Variants in CMSS1 observed in about 807,000 individuals in gnomAD.
CMSS1 encodes the protein protein CMSS1.
CMSS1 carries 33 observed loss-of-function variants against 43.5 expected under a neutral mutation model. The observed-to-expected ratio is 0.76, with a 90% CI of 0.57 to 1.01. The LOEUF (loss-of-function observed/expected upper bound fraction) is 1.01. Among genes scored for constraint, CMSS1 ranks in the 50% least tolerant of loss-of-function variants. The pLI is 0.00. For synonymous variants in CMSS1, 115 were observed against 117.2 expected (o/e 0.98, Z 0.12); for missense variants, 313 against 326.4 (o/e 0.96, Z 0.32).
chr3:100,171,921 C>G (rs755903259), intron 7 of CMSS1, 22 bp downstream of exon 7: 18 of 1,583,608 alleles, frequency 1.1e-5, no homozygotes, highest in Middle Eastern at 3.3e-4. Flanking sequence ...CCTGTGTGAT[C>G]CCTAAAGGCC....
intron 1 of CMSS1, among the ~76,000 whole-genome samples, chr3:99,935,520 G>T (rs922960173): frequency 3.9e-5 from 6 of 152,178 alleles, no homozygotes; most frequent in Admixed American, 3.9e-4. Flanking sequence ...GGTCTGTGTT[G>T]TTGCTTATAA....
At chr3:100,143,184 G>T (rs2066818733) in intron 1 of CMSS1, among the ~76,000 whole-genome samples, 1 of 152,174 alleles carries the variant, frequency 6.6e-6, no homozygotes, top group South Asian at 2.1e-4. Context: ...GATTTCTTGG[G>T]ATTTTTTATG....
At chr3:99,876,035 GC>G (rs1705495755) in intron 1 of CMSS1, 19 of 985,208 alleles carry the variant, frequency 1.9e-5, no homozygotes, top group Non-Finnish European at 2.2e-5. Context: ...TGACAGCAGT[GC>G]CCCTTGGTGG....
At chr3:99,897,097 G>T (rs567750700) in intron 1 of CMSS1, among the ~76,000 whole-genome samples, 1 of 152,066 alleles carries the variant, frequency 6.6e-6, no homozygotes, top group Non-Finnish European at 1.5e-5. Context: ...GGTGGCTCAC[G>T]CCTGTAATCC....
chr3:100,072,052 A>G (rs1439009656), intron 1 of CMSS1, among the ~76,000 whole-genome samples: 1 of 152,234 alleles, frequency 6.6e-6, no homozygotes, highest in Non-Finnish European at 1.5e-5. Flanking sequence ...TAAAACTGTC[A>G]TCTTTGATGG....
chr3:99,859,160 G>A (rs1385886531), intron 1 of CMSS1, among the ~76,000 whole-genome samples: 1 of 152,230 alleles, frequency 6.6e-6, no homozygotes, highest in Non-Finnish European at 1.5e-5. Context: ...TTATAAATGG[G>A]TCCATCCATA....
chr3:99,943,251 T>C (rs1418928515), intron 1 of CMSS1, among the ~76,000 whole-genome samples: 1 of 152,194 alleles, frequency 6.6e-6, no homozygotes, highest in Non-Finnish European at 1.5e-5. Context: ...GACTGGCTTT[T>C]GTGTGTGGCC....
At chr3:100,066,127 C>T (rs975600104) in intron 1 of CMSS1, among the ~76,000 whole-genome samples, 5 of 152,146 alleles carry the variant, frequency 3.3e-5, no homozygotes, top group African/African-American at 9.7e-5. Context: ...TTTCCCTTGC[C>T]CACCTGTCAG....
At chr3:100,112,678 C>T (rs2066511081) in intron 1 of CMSS1, among the ~76,000 whole-genome samples, 1 of 152,118 alleles carries the variant, frequency 6.6e-6, no homozygotes, top group Non-Finnish European at 1.5e-5. Flanking sequence ...GTATAAGAAT[C>T]CAAACCCCAC....
chr3:99,932,079 A>G (rs1035396160), intron 1 of CMSS1, among the ~76,000 whole-genome samples: 1 of 152,194 alleles, frequency 6.6e-6, no homozygotes, highest in East Asian at 1.9e-4. Flanking sequence ...TACCACACAA[A>G]TTTATAAAAT....
intron 1 of CMSS1, among the ~76,000 whole-genome samples, chr3:99,843,624 AT>A (rs1943230220): frequency 6.6e-6 from 1 of 152,200 alleles, no homozygotes; most frequent in Non-Finnish European, 1.5e-5. Context: ...AACCTACTGA[AT>A]ATCATGGCTT....
chr3:99,846,094 A>T (rs1446806822), intron 1 of CMSS1, among the ~76,000 whole-genome samples: 1 of 152,230 alleles, frequency 6.6e-6, no homozygotes, highest in African/African-American at 2.4e-5. Context: ...TGAATAGCCC[A>T]AATTTGGCTC....
chr3:99,859,371 AG>A (rs1199781779), intron 1 of CMSS1, among the ~76,000 whole-genome samples: 1 of 152,234 alleles, frequency 6.6e-6, no homozygotes, highest in Non-Finnish European at 1.5e-5. Context: ...ATGATACCAA[AG>A]CTTGTTTGGT....
intron 1 of CMSS1, among the ~76,000 whole-genome samples, chr3:100,054,654 A>G (rs996339335): frequency 6.6e-6 from 1 of 152,076 alleles, no homozygotes; most frequent in Non-Finnish European, 1.5e-5. Context: ...CAAAGAAACC[A>G]TGCTGGACAA....
At chr3:99,942,861 T>C (rs1475697633) in intron 1 of CMSS1, among the ~76,000 whole-genome samples, 1 of 151,616 alleles carries the variant, frequency 6.6e-6, no homozygotes, top group Non-Finnish European at 1.5e-5. Flanking sequence ...GAGGTGATTT[T>C]CTTAAAAGAA....
chr3:100,162,923 C>T (rs1050229426), intron 4 of CMSS1, among the ~76,000 whole-genome samples: 3 of 152,012 alleles, frequency 2.0e-5, no homozygotes, highest in Non-Finnish European at 2.9e-5. Flanking sequence ...TACAGTGAGC[C>T]AAGATGACGC....
intron 1 of CMSS1, among the ~76,000 whole-genome samples, chr3:99,841,088 G>T (rs1943109939): frequency 6.6e-6 from 1 of 152,216 alleles, no homozygotes; most frequent in Non-Finnish European, 1.5e-5. Context: ...AATGTGTCAT[G>T]ATCAGTGGAT....
chr3:100,123,249 C>T (rs2066636218), intron 1 of CMSS1, among the ~76,000 whole-genome samples: 1 of 152,110 alleles, frequency 6.6e-6, no homozygotes, highest in Non-Finnish European at 1.5e-5. Context: ...TGTGAAGGAG[C>T]TAGAGGAGGA....
chr3:99,990,701 G>C (rs1709486004), intron 1 of CMSS1, among the ~76,000 whole-genome samples: 1 of 151,752 alleles, frequency 6.6e-6, no homozygotes, highest in African/African-American at 2.4e-5. Context: ...TATGCAGCCA[G>C]AGTTGAAAAC....
Sources: allele counts gnomAD v4.1 joint callset (sites outside exome capture counted in the v4.1 genomes callset), GRCh38; gene constraint gnomAD v4.1.1; transcripts MANE v1.5; gene names NCBI Gene and HGNC (gene_info 2026-07-23, HGNC 2026-07-21).